The following ADK variants were observed in gnomAD, a reference collection of about 807,000 sequenced individuals.
ADK encodes adenosine kinase.
A neutral mutation model predicts 44.7 loss-of-function variants in ADK; 24 were observed. The ratio of observed to expected loss-of-function variants is 0.54; its 90% CI spans 0.39 to 0.76. The LOEUF is 0.76. Ranked by LOEUF, ADK falls within the 30% of genes least tolerant of loss-of-function variation. The pLI is 0.00. For missense variants in ADK, 321 were observed against 425.1 expected, an observed-to-expected ratio of 0.76 and a Z score of 2.15; for synonymous variants, 128 against 142.6, an observed-to-expected ratio of 0.90 and a Z score of 0.73.
chr10:74,414,543 C>G (rs1398776730), intron 6 of ADK, among the ~76,000 whole-genome samples: 2 of 152,008 alleles, frequency 1.3e-5, no homozygotes, highest in Admixed American at 6.6e-5. Flanking sequence ...GGAGACCAGC[C>G]TGGCCAACAT....
intron 6 of ADK, among the ~76,000 whole-genome samples, chr10:74,452,261 A>T (rs1845805146): frequency 6.6e-6 from 1 of 151,982 alleles, no homozygotes; most frequent in Non-Finnish European, 1.5e-5. Flanking sequence ...CTAGAACATG[A>T]AAATAGGCAT....
chr10:74,285,892 A>G (rs1309343383), intron 3 of ADK, among the ~76,000 whole-genome samples: 1 of 152,114 alleles, frequency 6.6e-6, no homozygotes, highest in Non-Finnish European at 1.5e-5. Flanking sequence ...TTATTTTTTT[A>G]ATTTACTGTA....
At chr10:74,269,207 G>A (rs771328766) in intron 3 of ADK, among the ~76,000 whole-genome samples, 56 of 152,040 alleles carry the variant, frequency 3.7e-4, no homozygotes, top group Non-Finnish European at 5.6e-4. Context: ...GTAGTCTCAA[G>A]AAAAGAGCCT....
At chr10:74,185,905 C>T (rs1199074587) in intron 1 of ADK, among the ~76,000 whole-genome samples, 1 of 150,308 alleles carries the variant, frequency 6.7e-6, no homozygotes. Flanking sequence ...TGGAGTGCAG[C>T]TGCCCGATCT....
chr10:74,196,860 G>C lies in ADK; in HGVS notation c.66-3904G>C, dbSNP rs934476741. 3.9e-5 allele frequency among the ~76,000 whole-genome samples: 6 copies of C among 152,246 alleles called. No homozygotes were observed. In the East Asian group the frequency reaches 1.2e-3, roughly 29 times the overall value. On this transcript the variant is annotated intron_variant, in intron 1 of 10. Coordinates refer to ENST00000539909, the MANE Select transcript of ADK (RefSeq NM_006721.4). ...ACAAAACAACAGAAAAGTTCAGATGGAGTATAGGTTTCAGGTAAAGCTTTA... is the reference window on the plus strand; with the variant it reads ...ACAAAACAACAGAAAAGTTCAGATGCAGTATAGGTTTCAGGTAAAGCTTTA...
intron 5 of ADK, among the ~76,000 whole-genome samples, chr10:74,398,109 TA>T (rs1197444433): frequency 2.6e-5 from 4 of 152,256 alleles, no homozygotes; most frequent in East Asian, 3.9e-4. Context: ...TTTTTCTACT[TA>T]AAAAATGTTT....
At chr10:74,587,065 T>G (rs73276230) in intron 7 of ADK, among the ~76,000 whole-genome samples, 4,710 of 152,260 alleles carry the variant, frequency 0.031, 213 homozygotes, top group African/African-American at 0.095. Flanking sequence ...GAACTTTGTC[T>G]TACAGTCCCC....
rs531465551 is a variant in ADK at position 74,622,743 on chromosome 10, C to T, written c.877+22250C>T. 4.6e-5 allele frequency among the ~76,000 whole-genome samples: 7 copies of T among 152,168 alleles called. No individual in the cohort carries two copies. In the South Asian group the frequency reaches 1.2e-3, roughly 27 times the overall value. Reference sequence around the variant, plus strand: ...CCAGCCTCGGCCTGGTGCGGTGGCTCATGCCTGTAATCCTAGCACTTTGGG... The same window carrying T: ...CCAGCCTCGGCCTGGTGCGGTGGCTTATGCCTGTAATCCTAGCACTTTGGG... On this transcript the variant is annotated intron_variant, in intron 9 of 10. Coordinates refer to ENST00000539909, the MANE Select transcript of ADK (RefSeq NM_006721.4).
chr10:74,354,039 A>G (rs1842055125), intron 4 of ADK, among the ~76,000 whole-genome samples: 1 of 152,222 alleles, frequency 6.6e-6, no homozygotes, highest in African/African-American at 2.4e-5. Flanking sequence ...GCATCAATTT[A>G]AAACAGCATT....
chr10:74,345,051 C>G (rs78398304), intron 4 of ADK, among the ~76,000 whole-genome samples: 11 of 152,326 alleles, frequency 7.2e-5, no homozygotes, highest in South Asian at 6.2e-4. Flanking sequence ...TTTAAACGTT[C>G]ATTAGAATTC....
chr10:74,287,946 C>T (rs1290807307), intron 3 of ADK, among the ~76,000 whole-genome samples: 7 of 142,928 alleles, frequency 4.9e-5, no homozygotes, highest in Non-Finnish European at 1.0e-4. Flanking sequence ...GGTGCCACTA[C>T]ACTCCTGCCT....
At chr10:74,583,404 A>C (rs914426823) in intron 7 of ADK, among the ~76,000 whole-genome samples, 1 of 152,228 alleles carries the variant, frequency 6.6e-6, no homozygotes, top group Non-Finnish European at 1.5e-5. Flanking sequence ...TTAAAACTTC[A>C]AATAAATTTC....
intron 1 of ADK, among the ~76,000 whole-genome samples, chr10:74,178,539 TTTAA>T (rs1326251532): frequency 6.6e-6 from 1 of 152,192 alleles, no homozygotes; most frequent in African/African-American, 2.4e-5. Flanking sequence ...TGGATTCAGT[TTTAA>T]TTGACTATCA....
intron 9 of ADK, among the ~76,000 whole-genome samples, chr10:74,611,086 G>C (rs1225598721): frequency 3.9e-5 from 6 of 152,068 alleles, no homozygotes; most frequent in African/African-American, 1.2e-4. Flanking sequence ...GGAGTACAAT[G>C]ACACAATCAT....
rs866516882 is a variant in ADK, at chr10:74,176,066, T to G, written c.66-24698T>G. On this transcript the variant is annotated intron_variant, in intron 1 of 10. Transcript: ENST00000539909. ...ATAGCCTTGAGTGGGGCCCAGAGGT[T>G]GTAAAATTTTATGTCTGTACCTGAT... 1.7e-4 allele frequency among the ~76,000 whole-genome samples: 26 copies of G among 152,290 alleles called. No individual in the cohort carries two copies. In the South Asian group the frequency reaches 4.8e-3, roughly 28 times the overall value.
chr10:74,525,220 G>GT, intron 6 of ADK, 36 bp from the exon 7 acceptor site: 1 of 1,587,674 alleles, frequency 6.3e-7, no homozygotes, highest in Non-Finnish European at 8.6e-7. Flanking sequence ...TGTGGAGATG[G>GT]TATTTCTAAT....
intron 6 of ADK, among the ~76,000 whole-genome samples, chr10:74,453,667 A>G (rs188388025): frequency 6.6e-6 from 1 of 152,168 alleles, no homozygotes; most frequent in Non-Finnish European, 1.5e-5. Flanking sequence ...TCCCCATGCT[A>G]TAAAATTCTA....
intron 6 of ADK, among the ~76,000 whole-genome samples, chr10:74,509,908 A>G (rs1480800530): frequency 6.6e-6 from 1 of 152,144 alleles, no homozygotes; most frequent in Non-Finnish European, 1.5e-5. Flanking sequence ...CATGAACCAC[A>G]GGATTTTATG....
At chr10:74,565,290 C>CT (rs1404521643) in intron 7 of ADK, among the ~76,000 whole-genome samples, 1 of 152,132 alleles carries the variant, frequency 6.6e-6, no homozygotes, top group Non-Finnish European at 1.5e-5. Flanking sequence ...TTAACATGTG[C>CT]TTTTTTAGTT....
Sources: allele counts gnomAD v4.1 joint callset (sites outside exome capture counted in the v4.1 genomes callset), GRCh38; gene constraint gnomAD v4.1.1; transcripts MANE v1.5; gene names NCBI Gene and HGNC (gene_info 2026-07-23, HGNC 2026-07-21).